The following PALM2AKAP2 variants were observed in gnomAD, a reference collection of about 807,000 sequenced individuals.
The protein encoded by PALM2AKAP2 is PALM2-AKAP2 fusion protein.
A neutral mutation model predicts 71.5 loss-of-function variants in PALM2AKAP2; 37 were observed. The observed-to-expected ratio is 0.52, with a 90% CI of 0.40 to 0.68. The LOEUF is 0.68. Ranked by LOEUF, PALM2AKAP2 falls within the 30% of genes least tolerant of loss-of-function variation. The probability of loss-of-function intolerance (pLI) is 0.00; values close to 1 mark genes in which losing one functional copy is unlikely to be tolerated. For synonymous variants in PALM2AKAP2, 468 were observed against 478.8 expected (o/e 0.98, Z 0.29); for missense variants, 1,224 against 1,191.8 (o/e 1.03, Z -0.40).
chr9:109,697,903 G>T (rs921455147), intron 1 of PALM2AKAP2, among the ~76,000 whole-genome samples: 1 of 152,028 alleles, frequency 6.6e-6, no homozygotes, highest in African/African-American at 2.4e-5. Flanking sequence ...TCATTTTACC[G>T]CATTAATTAT....
chr9:109,919,661 A>T (rs192310210), intron 3 of PALM2AKAP2, among the ~76,000 whole-genome samples: 87 of 151,986 alleles, frequency 5.7e-4, no homozygotes, highest in African/African-American at 2.1e-3. Flanking sequence ...ATGTGTATAT[A>T]TATTATATAA....
At chr9:109,657,452 T>TTGTGTG (rs3062680) in intron 1 of PALM2AKAP2, among the ~76,000 whole-genome samples, 5,804 of 147,162 alleles carry the variant, frequency 0.039, 159 homozygotes, top group African/African-American at 0.074. Flanking sequence ...AATATGGTAT[T>TTGTGTG]TGTGTGTGTG....
At chr9:110,047,194 GACAA>G (rs1421889520), upstream of PALM2AKAP2, among the ~76,000 whole-genome samples, 1 of 152,168 alleles carries the variant, frequency 6.6e-6, no homozygotes, top group Non-Finnish European at 1.5e-5. Flanking sequence ...TAGTATAAGA[GACAA>G]ACAGGCAAAA....
At chr9:109,654,662 A>G (rs1327536019) in intron 1 of PALM2AKAP2, among the ~76,000 whole-genome samples, 1 of 151,922 alleles carries the variant, frequency 6.6e-6, no homozygotes, top group Non-Finnish European at 1.5e-5. Flanking sequence ...TTATATCAGG[A>G]TGGTGTGTCT....
upstream of PALM2AKAP2, chr9:109,780,290 G>T (rs1238292896): frequency 8.1e-7 from 1 of 1,233,184 alleles, no homozygotes; most frequent in African/African-American, 1.6e-5. Context: ...GGCCGGGAGG[G>T]CGGGGGCCAG....
chr9:109,687,285 TCTC>T (rs1227233576), intron 1 of PALM2AKAP2, among the ~76,000 whole-genome samples: 1 of 152,192 alleles, frequency 6.6e-6, no homozygotes, highest in Non-Finnish European at 1.5e-5. Flanking sequence ...TGCATTGACT[TCTC>T]CTCTCTAGCT....
At chr9:109,905,237 C>T (rs1475469573) in intron 3 of PALM2AKAP2, among the ~76,000 whole-genome samples, 1 of 152,196 alleles carries the variant, frequency 6.6e-6, no homozygotes, top group Non-Finnish European at 1.5e-5. Flanking sequence ...TGTACTGGGA[C>T]AGTGACCTAC....
intron 1 of PALM2AKAP2, among the ~76,000 whole-genome samples, chr9:109,643,907 G>A (rs1023164553): frequency 2.0e-5 from 3 of 152,166 alleles, no homozygotes; most frequent in Non-Finnish European, 2.9e-5. Flanking sequence ...CTCAGCTTCC[G>A]GTGAGGCCTC....
chr9:109,663,547 A>G (rs940541439), intron 1 of PALM2AKAP2, among the ~76,000 whole-genome samples: 1 of 152,200 alleles, frequency 6.6e-6, no homozygotes, highest in African/African-American at 2.4e-5. Flanking sequence ...CTGTGGTCTG[A>G]CAGACAGTTT....
intron 1 of PALM2AKAP2, among the ~76,000 whole-genome samples, chr9:109,711,993 TTGTGTG>T (rs10611227): frequency 4.8e-4 from 72 of 148,710 alleles, no homozygotes; most frequent in African/African-American, 5.7e-4. Flanking sequence ...GTGTGAGTGC[TTGTGTG>T]TGTGTGTGTG....
chr9:109,878,691 A>G (rs888660149), intron 2 of PALM2AKAP2, among the ~76,000 whole-genome samples: 2 of 152,178 alleles, frequency 1.3e-5, no homozygotes, highest in African/African-American at 2.4e-5. Flanking sequence ...TCTCAATAGA[A>G]TGGTGAATCA....
At chr9:109,763,769 A>G (rs1235227456) in intron 1 of PALM2AKAP2, among the ~76,000 whole-genome samples, 7 of 152,006 alleles carry the variant, frequency 4.6e-5, no homozygotes, top group Non-Finnish European at 1.5e-5. Context: ...TAGGCCCTCA[A>G]TGTGGGGTGG....
exon 4 of PALM2AKAP2, chr9:110,169,632 AAG>A (rs1279218633): frequency 6.6e-6 from 1 of 152,364 alleles, no homozygotes; most frequent in African/African-American, 2.4e-5. Context: ...ATAAGGAGGT[AAG>A]AGATACTATT....
intron 3 of PALM2AKAP2, among the ~76,000 whole-genome samples, chr9:109,904,046 G>T (rs1241130552): frequency 6.6e-6 from 1 of 152,164 alleles, no homozygotes; most frequent in Non-Finnish European, 1.5e-5. Flanking sequence ...TCTTATAAAT[G>T]CTGTATTTAA....
intron 7 of PALM2AKAP2, among the ~76,000 whole-genome samples, chr9:110,042,651 A>G (rs1833529032): frequency 6.6e-6 from 1 of 152,174 alleles, no homozygotes. Context: ...TTACACTCCT[A>G]CCAACATAGT....
At chr9:109,845,523 C>A (rs1024024463) in intron 1 of PALM2AKAP2, among the ~76,000 whole-genome samples, 2 of 152,166 alleles carry the variant, frequency 1.3e-5, no homozygotes, top group African/African-American at 4.8e-5. Context: ...TTCAGTCTGT[C>A]CTGGGTGACC....
At chr9:109,870,086 C>T (rs1829565866) in intron 2 of PALM2AKAP2, among the ~76,000 whole-genome samples, 1 of 152,148 alleles carries the variant, frequency 6.6e-6, no homozygotes, top group African/African-American at 2.4e-5. Context: ...TCCTGAATTT[C>T]TGTATGCTGG....
At chr9:109,977,996 C>A (rs866264906) in intron 6 of PALM2AKAP2, among the ~76,000 whole-genome samples, 34 of 152,270 alleles carry the variant, frequency 2.2e-4, no homozygotes, top group African/African-American at 7.0e-4. Context: ...TGGAGTGGGA[C>A]AGGGCTTGTA....
chr9:109,876,463 C>T (rs935013931), intron 2 of PALM2AKAP2, among the ~76,000 whole-genome samples: 2 of 152,116 alleles, frequency 1.3e-5, no homozygotes, highest in Non-Finnish European at 2.9e-5. Context: ...GGCCCACTGC[C>T]TTTTCCAGTT....
Sources: gnomAD v4.1 joint callset for allele counts (sites outside exome capture counted in the v4.1 genomes callset) on GRCh38, gnomAD v4.1.1 for gene constraint, MANE v1.5 for transcripts, NCBI Gene and HGNC (gene_info 2026-07-23, HGNC 2026-07-21) for gene names.